Variants in PRPH observed in about 807,000 individuals in gnomAD.
The protein encoded by PRPH is peripherin.
In PRPH, 48 loss-of-function variants were observed where a neutral mutation model predicts 52.6. The ratio of observed to expected loss-of-function variants is 0.91; its 90% CI spans 0.72 to 1.16. The LOEUF (loss-of-function observed/expected upper bound fraction) is 1.16, where lower values mean the gene tolerates loss of function less well. PRPH is among the 50% of genes most tolerant of loss of function. The pLI is 0.00. For missense variants in PRPH, 579 were observed against 635.7 expected (o/e 0.91, Z 0.96); for synonymous variants, 279 against 283.8 (o/e 0.98, Z 0.17).
rs768362682 is a variant in PRPH at position 49,297,673 on chromosome 12, C to A, written c.1218-4C>A. On this transcript the variant is annotated splice_polypyrimidine_tract_variant and splice_region_variant and intron_variant, in intron 6 of 8. Transcript: ENST00000257860. This position sits in a 1 kb window ranked among gnomAD's most constrained non-coding sequence, Gnocchi z 4.4. ...GGGGCGCTGACAACTTGCTTCGCCT[C>A]TAGGATCTCCGTGCCCGTCCATTCT... is the stretch of plus-strand genomic sequence containing the variant. The A allele has an allele frequency of 6.2e-7, 1 of 1,613,500 alleles. No individual in the cohort carries two copies. The highest frequency in any genetic ancestry group is 1.1e-5 in the South Asian group (1 of 91,090).
At position 49,296,481 on chromosome 12, in the gene PRPH, A is replaced by G. The variant is rs1456556198; in HGVS notation, c.656A>G (p.Glu219Gly). Residue 219 changes from glutamate to glycine, a missense_variant, in exon 3 of 9, where the codon GAG becomes GGG. By Grantham distance (98) the Glu-to-Gly change is moderately conservative (BLOSUM62 -2). Transcript: ENST00000257860. This position sits in a 1 kb window ranked among gnomAD's most constrained non-coding sequence, Gnocchi z 5.1. ...LSRLELERKI[E>G]SLMDEIEFLK... ...CGCCTGGAACTAGAGCGCAAGATTG[A>G]GTCTCTGATGGATGAGATTGAGTTC... The G allele has an allele frequency of 6.2e-7, 1 of 1,614,032 alleles. No homozygotes were observed. Among genetic ancestry groups the G allele is most frequent in the African/African-American group, 1.3e-5 (1 of 74,910 alleles).
At chr12:49,295,823 C>T (rs1404465252) in intron 1 of PRPH, 78 bp downstream of exon 1, 1 of 1,437,286 alleles carries the variant, frequency 7.0e-7, no homozygotes, top group Non-Finnish European at 9.1e-7. Context: ...TGCCTCCCCT[C>T]GCTTCCCCTC....
Position 49,296,111 on chromosome 12 carries a change from C to G in PRPH, c.546-67C>G. ...CAGCCTCTAACCGGATCCTGGGGGG[C>G]GTGCGGTCTGGGGTGCGAGCTGGGC... On this transcript the variant is annotated intron_variant, in intron 1 of 8. Transcript: ENST00000257860. The surrounding 1 kb of genome is among the most constrained non-coding windows in gnomAD (Gnocchi z 5.1). 5.9e-6 allele frequency: 9 copies of G among 1,514,942 alleles called. No homozygotes were observed. Among genetic ancestry groups the G allele is most frequent in the Non-Finnish European group, 7.2e-6 (8 of 1,108,896 alleles). The allele number at this position is 1,514,942 out of a possible 1,614,324, so 93.8% of individuals were successfully genotyped here.
In PRPH at chr12:49,296,223, C is replaced by T; in HGVS notation, c.591C>T (p.Leu197=). The change falls in exon 2 of 9, where the codon CTC becomes CTT. Residue 197 remains leucine, a synonymous_variant. Coordinates refer to ENST00000257860, the MANE Select transcript of PRPH (RefSeq NM_006262.4). The surrounding 1 kb of genome is among the most constrained non-coding windows in gnomAD (Gnocchi z 5.1). ...AGCGGGAGGACGCGGAGCACAACCT[C>T]GTGCTCTTCCGCAAGGTGAGTCCGA... is the stretch of plus-strand genomic sequence containing the variant. ...TRKREDAEHN[L]VLFRKDVDDA... 3.1e-6 allele frequency: 5 copies of T among 1,613,192 alleles called. No homozygotes were observed. The highest frequency in any genetic ancestry group is 4.2e-6 in the Non-Finnish European group (5 of 1,179,900).
Position 49,295,408 on chromosome 12 carries a change from C to T in PRPH, c.208C>T (p.Leu70Phe). ...FRSPRAGAGA[L>F]LRLPSERLDF... ...TAGCCCCCGAGCGGGAGCGGGCGCC[C>T]TCCTGCGCCTGCCCTCGGAGCGCCT... Residue 70 changes from leucine to phenylalanine, a missense_variant, in exon 1 of 9, where the codon CTC becomes TTC. Coordinates refer to ENST00000257860, the MANE Select transcript of PRPH (RefSeq NM_006262.4). The T allele has an allele frequency of 6.2e-7, 1 of 1,605,470 alleles. No homozygotes were observed. The highest frequency in any genetic ancestry group is 8.5e-7 in the Non-Finnish European group (1 of 1,176,960).
chr12:49,295,149 TC>T lies in PRPH; in HGVS notation c.-49del. The T allele has an allele frequency of 6.3e-7, 1 of 1,583,322 alleles. No individual in the cohort carries two copies. On this transcript the variant is annotated 5_prime_UTR_variant, in exon 1 of 9. Transcript: ENST00000257860. ...CGCCTCGCAGCGGTCTGCGGCTCCT[TC>T]CCAGCCCCCGGCCTAGCTCTGCGAA... is the stretch of plus-strand genomic sequence containing the variant.
rs1446281323 is a variant in PRPH at position 49,296,653 on chromosome 12, CTAG to C, written c.702+128_702+130del. The C allele has an allele frequency of 9.0e-7, 1 of 1,107,884 alleles. No homozygotes were observed. The highest frequency in any genetic ancestry group is 1.3e-6 in the Non-Finnish European group (1 of 752,672). The allele number at this position is 1,107,884 out of a possible 1,614,324, so 68.6% of individuals were successfully genotyped here. A position where few individuals can be genotyped will look rare whatever the true frequency, so the allele number is the denominator to read the frequency against. On this transcript the variant is annotated intron_variant, in intron 3 of 8. Coordinates refer to ENST00000257860, the MANE Select transcript of PRPH (RefSeq NM_006262.4). The surrounding 1 kb of genome is among the most constrained non-coding windows in gnomAD (Gnocchi z 5.1). ...GCTGGGTAGACGCAGCCCCTCCACC[CTAG>C]TCTACAGGTGGTTAGACTCCCACCC...
chr12:49,295,167 CTCTGCGAACGGTGACTGCCCA>C lies in PRPH; in HGVS notation c.-31_-11del. 6.2e-7 allele frequency: 1 copy of C among 1,602,976 alleles called. No homozygotes were observed. The highest frequency in any genetic ancestry group is 8.5e-7 in the Non-Finnish European group (1 of 1,176,440). On this transcript the variant is annotated 5_prime_UTR_variant, in exon 1 of 9. Coordinates refer to ENST00000257860, the MANE Select transcript of PRPH (RefSeq NM_006262.4). ...GGCTCCTTCCCAGCCCCCGGCCTAG[CTCTGCGAACGGTGACTGCCCA>C]TCCTTGGCCGCAATGAGCCACCACC...
At position 49,298,430 on chromosome 12, in the gene PRPH, C is replaced by T; in HGVS notation, c.*77C>T. 2 of 1,465,684 alleles carry T rather than the reference C, an allele frequency of 1.4e-6. No individual in the cohort carries two copies. Among genetic ancestry groups the T allele is most frequent in the Admixed American group, 3.5e-5 (2 of 57,776 alleles). 90.8% of individuals were successfully genotyped at this position (1,465,684 alleles called of 1,614,324 possible). On this transcript the variant is annotated 3_prime_UTR_variant, in exon 9 of 9. Coordinates refer to ENST00000257860, the MANE Select transcript of PRPH (RefSeq NM_006262.4). ...CCCTAAGACCACTCCTGAATTGTCT[C>T]CTCTCCCTCTGCATGTGTCTAAAAG...
chr12:49,298,536 C>T lies in PRPH; in HGVS notation c.*183C>T. 3.1e-6 allele frequency: 2 copies of T among 637,288 alleles called. No homozygotes were observed. The highest frequency in any genetic ancestry group is 2.8e-6 in the Non-Finnish European group (1 of 356,060). The allele number at this position is 637,288 out of a possible 1,614,324, so 39.5% of individuals were successfully genotyped here. A position where few individuals can be genotyped will look rare whatever the true frequency, so the allele number is the denominator to read the frequency against. The stretch of plus-strand genomic sequence containing the variant: ...CGCTGGGCCTCTCCCTGCCCTGACA[C>T]TTGATGTGACCTATGTGCTTCCCTT... On this transcript the variant is annotated 3_prime_UTR_variant, in exon 9 of 9. Coordinates refer to ENST00000257860, the MANE Select transcript of PRPH (RefSeq NM_006262.4).
Position 49,296,539 on chromosome 12 carries a change from C to CG in PRPH, c.702+14dup. ...AGCTGCACGAGGAGGTAAGTGGGCCCGGTATCAGGGGCGGTTTCTGAGGTT... is the reference window on the plus strand; with the variant it reads ...AGCTGCACGAGGAGGTAAGTGGGCCCGGGTATCAGGGGCGGTTTCTGAGGTT... On this transcript the variant is annotated intron_variant, in intron 3 of 8. Coordinates refer to ENST00000257860, the MANE Select transcript of PRPH (RefSeq NM_006262.4). The surrounding 1 kb of genome is among the most constrained non-coding windows in gnomAD (Gnocchi z 5.1). 1 of 1,612,864 alleles carries CG rather than the reference C, an allele frequency of 6.2e-7. No individual in the cohort carries two copies. Among genetic ancestry groups the CG allele is most frequent in the Non-Finnish European group, 8.5e-7 (1 of 1,179,130 alleles).
At chr12:49,295,980 T>G in intron 1 of PRPH, 198 bp from the exon 2 acceptor site, 1 of 1,403,852 alleles carries the variant, frequency 7.1e-7, no homozygotes, top group Non-Finnish European at 9.5e-7. Context: ...GTGCCTCCCC[T>G]GAGTAATGAG....
Position 49,296,476 on chromosome 12 carries a change from G to A in PRPH, c.651G>A (p.Lys217=). Residue 217 remains lysine, a synonymous_variant, in exon 3 of 9, where the codon AAG becomes AAA. Transcript: ENST00000257860. This position sits in a 1 kb window ranked among gnomAD's most constrained non-coding sequence, Gnocchi z 5.1. ...ATLSRLELER[K]IESLMDEIEF... is the part of the protein sequence containing the mutation. ...TGTCCCGCCTGGAACTAGAGCGCAA[G>A]ATTGAGTCTCTGATGGATGAGATTG... 6.2e-7 allele frequency: 1 copy of A among 1,614,206 alleles called. No individual in the cohort carries two copies. The highest frequency in any genetic ancestry group is 8.5e-7 in the Non-Finnish European group (1 of 1,180,034).
At position 49,296,285 on chromosome 12, in the gene PRPH, C is replaced by T. The variant is rs1592296666; in HGVS notation, c.606+47C>T. The T allele has an allele frequency of 1.2e-6, 2 of 1,604,466 alleles. No individual in the cohort carries two copies. The highest frequency in any genetic ancestry group is 1.7e-5 in the Admixed American group (1 of 58,954). On this transcript the variant is annotated intron_variant, in intron 2 of 8. Transcript: ENST00000257860. The surrounding 1 kb of genome is among the most constrained non-coding windows in gnomAD (Gnocchi z 5.1). The stretch of plus-strand genomic sequence containing the variant: ...AGTTCAGCCTCCCCACCGCTACCCC[C>T]GATCTCAGTATCCAGAGGTGGCATC...
At position 49,295,616 on chromosome 12, in the gene PRPH, G is replaced by T; in HGVS notation, c.416G>T (p.Arg139Leu). 6.5e-7 allele frequency: 1 copy of T among 1,546,388 alleles called. No individual in the cohort carries two copies. The highest frequency in any genetic ancestry group is 8.7e-7 in the Non-Finnish European group (1 of 1,146,004). ...CAAGCCCGGGGCCAGGAGCCGGCGC[G>T]CGCCGACCAGCTGTGCCAGCAGGAG... ...LSQARGQEPA[R>L]ADQLCQQELR... is the part of the protein sequence containing the mutation. The change falls in exon 1 of 9, where the codon CGC (arginine) becomes CTC (leucine). Residue 139 changes from arginine to leucine, a missense_variant. Transcript: ENST00000257860.
Position 49,296,940 on chromosome 12 carries a change from G to A in PRPH, c.754G>A (p.Glu252Lys), listed in dbSNP as rs759290424. The change falls in exon 4 of 9, where the codon GAG becomes AAG. Residue 252 changes from glutamate to lysine, a missense_variant. By Grantham distance (56) the Glu-to-Lys change is moderately conservative. Transcript: ENST00000257860. The surrounding 1 kb of genome is among the most constrained non-coding windows in gnomAD (Gnocchi z 5.1). ...GGAGAGCCAGCAGGTGCAGCAGGTG[G>A]AGGTGGAAGCCACGGTGAAGCCCGA... ...SVESQQVQQV[E>K]VEATVKPELT... 9.9e-6 allele frequency: 16 copies of A among 1,613,468 alleles called. No individual in the cohort carries two copies. The highest frequency in any genetic ancestry group is 1.7e-4 in the Middle Eastern group (1 of 6,026).
chr12:49,297,845 C>A lies in PRPH; in HGVS notation c.1268-113C>A. The stretch of plus-strand genomic sequence containing the variant: ...GGAACTTCTGGGTCCTGGCCTGTAC[C>A]CACCCCTACTCCTCAAACCCGCCCC... On this transcript the variant is annotated intron_variant, in intron 7 of 8. Coordinates refer to ENST00000257860, the MANE Select transcript of PRPH (RefSeq NM_006262.4). This position sits in a 1 kb window ranked among gnomAD's most constrained non-coding sequence, Gnocchi z 4.4. The A allele has an allele frequency of 6.3e-7, 1 of 1,580,938 alleles. No individual in the cohort carries two copies. The highest frequency in any genetic ancestry group is 8.7e-7 in the Non-Finnish European group (1 of 1,150,700).
Position 49,297,738 on chromosome 12 carries a change from T to G in PRPH, c.1267+12T>G. On this transcript the variant is annotated intron_variant, in intron 7 of 8. Coordinates refer to ENST00000257860, the MANE Select transcript of PRPH (RefSeq NM_006262.4). The surrounding 1 kb of genome is among the most constrained non-coding windows in gnomAD (Gnocchi z 4.4). ...TATAAAGACGACTGGTGAGTCTGGC[T>G]TACAGCCTGTACCTCTCCTTGTCCA... 3.1e-6 allele frequency: 5 copies of G among 1,610,972 alleles called. No individual in the cohort carries two copies. Among genetic ancestry groups the G allele is most frequent in the Non-Finnish European group, 4.2e-6 (5 of 1,177,854 alleles).
rs566340428 is a variant in PRPH, at chr12:49,296,451, T to A, written c.626T>A (p.Leu209Gln). ...TCGAAGGACGTGGACGATGCCACTCTGTCCCGCCTGGAACTAGAGCGCAAG... is the reference window on the plus strand; with the variant it reads ...TCGAAGGACGTGGACGATGCCACTCAGTCCCGCCTGGAACTAGAGCGCAAG... ...LFRKDVDDAT[L>Q]SRLELERKIE... The change falls in exon 3 of 9, where the codon CTG becomes CAG. Residue 209 changes from leucine (L) to glutamine (Q), a missense_variant. By Grantham distance (113) the Leu-to-Gln change is moderately radical (BLOSUM62 -2). Coordinates refer to ENST00000257860, the MANE Select transcript of PRPH (RefSeq NM_006262.4). The surrounding 1 kb of genome is among the most constrained non-coding windows in gnomAD (Gnocchi z 5.1). 1 of 1,614,206 alleles carries A rather than the reference T, an allele frequency of 6.2e-7. No homozygotes were observed. The highest frequency in any genetic ancestry group is 1.1e-5 in the South Asian group (1 of 91,086).
Sources: allele counts gnomAD v4.1 joint callset, GRCh38; gene constraint gnomAD v4.1.1; non-coding constraint Gnocchi (gnomAD v3.1); transcripts MANE v1.5; gene names NCBI Gene and HGNC (gene_info 2026-07-23, HGNC 2026-07-21).